NDUFAF1: variants seen among roughly 807,000 people sequenced by gnomAD.
NDUFAF1 encodes the protein complex I intermediate-associated protein 30, mitochondrial.
NDUFAF1 carries 18 observed loss-of-function variants against 28.7 expected under a neutral mutation model. The ratio of observed to expected loss-of-function variants is 0.63; its 90% CI spans 0.43 to 0.93. The LOEUF (loss-of-function observed/expected upper bound fraction) is 0.93. Among genes scored for constraint, NDUFAF1 ranks in the 40% least tolerant of loss-of-function variants. The pLI is 0.00. For missense variants in NDUFAF1, 404 were observed against 398.3 expected, an observed-to-expected ratio of 1.01 and a Z score of -0.12; for synonymous variants, 113 against 139.7, an observed-to-expected ratio of 0.81 and a Z score of 1.35.
intron 2 of NDUFAF1, among the ~76,000 whole-genome samples, chr15:41,395,670 T>A (rs1349327050): frequency 1.3e-4 from 1 of 7,450 alleles, no homozygotes; most frequent in African/African-American, 4.5e-4. Context: ...GCGCCCGGCC[T>A]TTTTTTTTTT....
In NDUFAF1 at chr15:41,397,143, A is replaced by G. The variant is rs1334028454; in HGVS notation, c.-81-3T>C. On this transcript the variant is annotated splice_polypyrimidine_tract_variant and splice_region_variant and intron_variant, in intron 1 of 4. Transcript: ENST00000260361. ...TTCAGCAAATAGCCCAATTCTACCT[A>G]TAACAGAAGAGACATTGAAGAATTA... 3 of 1,074,098 alleles carry G rather than the reference A, an allele frequency of 2.8e-6. No individual in the cohort carries two copies. The highest frequency in any genetic ancestry group is 2.3e-5 in the Admixed American group (1 of 44,328). 66.5% of individuals were successfully genotyped at this position (1,074,098 alleles called of 1,614,324 possible).
At chr15:41,396,323 C>A (rs1179732909) in intron 2 of NDUFAF1, among the ~76,000 whole-genome samples, 164 bp downstream of exon 2, 1 of 152,156 alleles carries the variant, frequency 6.6e-6, no homozygotes, top group Non-Finnish European at 1.5e-5. Flanking sequence ...GCTTCCACTT[C>A]ACACTTGTGC....
At chr15:41,399,373 G>A (rs536668412) in intron 1 of NDUFAF1, among the ~76,000 whole-genome samples, 1 of 151,738 alleles carries the variant, frequency 6.6e-6, no homozygotes, top group South Asian at 2.1e-4. Flanking sequence ...TCCAGCCTGG[G>A]CGACAGAGTG....
In NDUFAF1 at chr15:41,402,437, C is replaced by T. The variant is rs916223731; in HGVS notation, c.-375G>A. 3 of 432,162 alleles carry T rather than the reference C, an allele frequency of 6.9e-6. No individual in the cohort carries two copies. The highest frequency in any genetic ancestry group is 7.1e-5 in the East Asian group (1 of 14,006). 26.8% of individuals were successfully genotyped at this position (432,162 alleles called of 1,614,324 possible). ...CGGGACACACCAACCGCCGGCCTGC[C>T]GCCGCTTACCTCCCCGAGCCTATAG... is the stretch of plus-strand genomic sequence containing the variant. On this transcript the variant is annotated 5_prime_UTR_variant, in exon 1 of 5. Coordinates refer to ENST00000260361, the MANE Select transcript of NDUFAF1 (RefSeq NM_016013.4).
chr15:41,399,645 G>C (rs929707328), intron 1 of NDUFAF1, among the ~76,000 whole-genome samples: 16 of 151,538 alleles, frequency 1.1e-4, no homozygotes, highest in Non-Finnish European at 2.4e-4. Flanking sequence ...ACGAGGTCAG[G>C]AGATCGAGAC....
intron 1 of NDUFAF1, among the ~76,000 whole-genome samples, chr15:41,401,267 CTTTTTTTTTTTTT>C (rs755063294): frequency 9.0e-6 from 1 of 111,228 alleles, no homozygotes; most frequent in South Asian, 3.0e-4. Context: ...GGCGCCCAAC[CTTTTTTTTTTTTT>C]TTTTTTTTGA....
At chr15:41,397,786 G>A (rs139667940) in intron 1 of NDUFAF1, among the ~76,000 whole-genome samples, 1,491 of 143,790 alleles carry the variant, frequency 0.01, 46 homozygotes, top group African/African-American at 0.037. Flanking sequence ...GCGACAGAGC[G>A]AGACTCTGTC....
At chr15:41,402,106 A>G (rs544965499) in intron 1 of NDUFAF1, 38 bp downstream of exon 1, 5 of 427,772 alleles carry the variant, frequency 1.2e-5, no homozygotes, top group South Asian at 6.4e-5. Context: ...CCACGCAGCT[A>G]GAAGTGAGTA....
Position 41,393,953 on chromosome 15 carries a change from C to T in NDUFAF1, c.759+906G>A, listed in dbSNP as rs557215218. ...CAAACTCCTGATCTCAGGTGATTTA[C>T]CCACCTTGGCCTCCCAAAGTGCTGG... On this transcript the variant is annotated intron_variant, in intron 3 of 4. Transcript: ENST00000260361. Among the ~76,000 whole-genome samples, 29 of 151,796 alleles carry T rather than the reference C, an allele frequency of 1.9e-4. No homozygotes were observed. The South Asian group carries it at 5.2e-3, about 27-fold the overall frequency.
chr15:41,396,232 CAT>C (rs2050384696), intron 2 of NDUFAF1, among the ~76,000 whole-genome samples: 1 of 152,186 alleles, frequency 6.6e-6, no homozygotes, highest in Admixed American at 6.6e-5. Context: ...ATTCCTGAAA[CAT>C]AACAATGCTC....
chr15:41,393,991 G>A lies in NDUFAF1; in HGVS notation c.759+868C>T, dbSNP rs140478272. 2,544 of 281,612 alleles carry A rather than the reference G, an allele frequency of 9.0e-3. 84 individuals carry two copies. The highest frequency in any genetic ancestry group is 0.056 in the African/African-American group (2,385 of 42,542). The allele number at this position is 281,612 out of a possible 1,614,324, so 17.4% of individuals were successfully genotyped here. On this transcript the variant is annotated intron_variant, in intron 3 of 4. Coordinates refer to ENST00000260361, the MANE Select transcript of NDUFAF1 (RefSeq NM_016013.4). ...CCCAAAGTGCTGGGATTACAGACAT[G>A]AGCCACCACGCCTGGCCTAGGACAC...
chr15:41,388,572 C>T (rs368981046), intron 3 of NDUFAF1, 50 bp from the exon 4 acceptor site: 2 of 1,140,120 alleles, frequency 1.8e-6, no homozygotes, highest in Non-Finnish European at 2.7e-6. Context: ...GCAATTGAGG[C>T]ATCTGCATGT....
In NDUFAF1 at chr15:41,401,267, C is replaced by CTTTTTTT. The variant is rs755063294; in HGVS notation, c.-82+870_-82+876dup. ...ACAGGCGTCAGCCACGGCGCCCAAC[C>CTTTTTTT]TTTTTTTTTTTTTTTTTTTTTGAGA... On this transcript the variant is annotated intron_variant, in intron 1 of 4. Coordinates refer to ENST00000260361, the MANE Select transcript of NDUFAF1 (RefSeq NM_016013.4). 4.5e-5 allele frequency among the ~76,000 whole-genome samples: 5 copies of CTTTTTTT among 111,222 alleles called. 1 individual carries two copies. The highest frequency in any genetic ancestry group is 6.3e-5 in the African/African-American group (2 of 31,598). 73.0% of individuals were successfully genotyped at this position (111,222 alleles called of 152,430 possible).
chr15:41,394,915 G>C lies in NDUFAF1; in HGVS notation c.703C>G (p.Gln235Glu). The C allele has an allele frequency of 6.2e-7, 1 of 1,614,088 alleles. No individual in the cohort carries two copies. Among genetic ancestry groups the C allele is most frequent in the Non-Finnish European group, 8.5e-7 (1 of 1,180,022 alleles). The change falls in exon 3 of 5, where the codon CAG becomes GAG. Residue 235 changes from glutamine (Q) to glutamate (E), a missense_variant. Coordinates refer to ENST00000260361, the MANE Select transcript of NDUFAF1 (RefSeq NM_016013.4). ...EDTDFFQRTN[Q>E]MYSYFMFTRG... Reference sequence around the variant, plus strand: ...GTGAACATGAAGTAACTATACATCTGATTCGTCCTCTGGAAGAAATCTGTG... The same window carrying C: ...GTGAACATGAAGTAACTATACATCTCATTCGTCCTCTGGAAGAAATCTGTG...
intron 1 of NDUFAF1, among the ~76,000 whole-genome samples, 200 bp downstream of exon 1, chr15:41,401,944 T>C (rs940099140): frequency 1.3e-5 from 2 of 152,146 alleles, no homozygotes; most frequent in African/African-American, 4.8e-5. Flanking sequence ...TAAAATGTTT[T>C]CCAAACCCTC....
In NDUFAF1 at chr15:41,396,554, G is replaced by A; in HGVS notation, c.506C>T (p.Ser169Phe). 1.2e-6 allele frequency: 2 copies of A among 1,614,126 alleles called. No homozygotes were observed. Among genetic ancestry groups the A allele is most frequent in the Non-Finnish European group, 8.5e-7 (1 of 1,180,024 alleles). ...QSALLYGTLS[S>F]EAPQDGESTR... ...AGACTCCCCGTCCTGAGGCGCCTCA[G>A]AGCTCAGAGTTCCATATAGCAGTGC... Residue 169 changes from serine to phenylalanine, a missense_variant, in exon 2 of 5, where the codon TCT becomes TTT. Ser to Phe is a radical substitution (Grantham distance 155). Transcript: ENST00000260361.
chr15:41,391,840 GAGAA>G (rs1169673960), intron 3 of NDUFAF1, among the ~76,000 whole-genome samples: 2 of 152,088 alleles, frequency 1.3e-5, no homozygotes, highest in East Asian at 3.9e-4. Flanking sequence ...TGACAGGAAA[GAGAA>G]AGCAGGTGAA....
At chr15:41,394,269 A>C in intron 3 of NDUFAF1, 1 of 832,394 alleles carries the variant, frequency 1.2e-6, no homozygotes, top group South Asian at 1.4e-5. Flanking sequence ...CCCAACCTCA[A>C]GTGATCCGTC....
intron 3 of NDUFAF1, among the ~76,000 whole-genome samples, chr15:41,389,768 A>G (rs767322369): frequency 1.3e-5 from 2 of 150,270 alleles, no homozygotes; most frequent in African/African-American, 2.4e-5. Flanking sequence ...CCTGTCTCAA[A>G]TAAGTAAATA....
Sources: allele counts gnomAD v4.1 joint callset (sites outside exome capture counted in the v4.1 genomes callset), GRCh38; gene constraint gnomAD v4.1.1; transcripts MANE v1.5; gene names NCBI Gene and HGNC (gene_info 2026-07-23, HGNC 2026-07-21).